The following RELN variants were observed in gnomAD, a reference collection of about 807,000 sequenced individuals.
RELN encodes the protein reelin.
In RELN, 108 loss-of-function variants were observed where a neutral mutation model predicts 427.6. The ratio of observed to expected loss-of-function variants is 0.25; its 90% confidence interval spans 0.22 to 0.30. RELN has a LOEUF of 0.30. Ranked by LOEUF, RELN falls within the 10% of genes least tolerant of loss-of-function variation. The probability of loss-of-function intolerance (pLI) is 1.00; values close to 1 mark genes in which losing one functional copy is unlikely to be tolerated. For synonymous variants in RELN, 1,524 were observed against 1,513.4 expected (o/e 1.01, Z -0.16); for missense variants, 3,715 against 4,302.8 (o/e 0.86, Z 3.82).
Position 103,572,202 on chromosome 7 carries a change from G to T in RELN, c.4570C>A (p.Pro1524Thr). 6.3e-7 allele frequency: 1 copy of T among 1,583,998 alleles called. No individual in the cohort carries two copies. The highest frequency in any genetic ancestry group is 8.7e-7 in the Non-Finnish European group (1 of 1,152,666). Residue 1524 changes from proline to threonine, a missense_variant, in exon 31 of 65, where the codon CCA becomes ACA. By Grantham distance (38) the Pro-to-Thr change is conservative. Coordinates refer to ENST00000428762, the MANE Select transcript of RELN (RefSeq NM_005045.4). The part of the protein sequence containing the change: ...SKTSGITCIK[P>T]RTRNEGLIVQ... The stretch of plus-strand genomic sequence containing the variant: ...AGCTTACCTTCATTTCTAGTTCTTG[G>T]TTTGATGCAGGTAATGCCTGAAGTT...
At chr7:103,876,174 T>C (rs940061586) in intron 2 of RELN, among the ~76,000 whole-genome samples, 2 of 152,180 alleles carry the variant, frequency 1.3e-5, no homozygotes, top group African/African-American at 4.8e-5. Context: ...GAATAACTTG[T>C]ACGGAAAGAT....
chr7:103,497,970 C>A, intron 54 of RELN, 44 bp from the exon 55 acceptor site: 1 of 1,604,262 alleles, frequency 6.2e-7, no homozygotes, highest in Non-Finnish European at 8.5e-7. Context: ...TTCATTAGAA[C>A]AAATACTCTA....
intron 29 of RELN, among the ~76,000 whole-genome samples, chr7:103,574,696 A>T (rs573121591): frequency 6.6e-6 from 1 of 152,250 alleles, no homozygotes; most frequent in Admixed American, 6.5e-5. Flanking sequence ...TGAAACTGTG[A>T]GTGACAGCAC....
Position 103,557,063 on chromosome 7 carries a change from G to T in RELN, c.5711C>A (p.Thr1904Lys), listed in dbSNP as rs114190729. The T allele has an allele frequency of 1.6e-5, 26 of 1,613,140 alleles. No individual in the cohort carries two copies. Among genetic ancestry groups the T allele is most frequent in the Non-Finnish European group, 2.2e-5 (26 of 1,179,200 alleles). Residue 1904 changes from threonine to lysine, a missense_variant, in exon 38 of 65, where the codon ACG becomes AAG. Physicochemically the swap from Thr to Lys is moderately conservative, Grantham distance 78. Coordinates refer to ENST00000428762, the MANE Select transcript of RELN (RefSeq NM_005045.4). ...LMDEFYFPQT[T>K]NILFINVPLP... is the part of the protein sequence containing the mutation. ...GGGAACATTGATGAAAAGTATATTC[G>T]TTGTTTGAGGAAAGTAAAATTCATC...
chr7:103,984,656 A>G (rs1251617329), intron 1 of RELN, among the ~76,000 whole-genome samples: 1 of 152,190 alleles, frequency 6.6e-6, no homozygotes, highest in African/African-American at 2.4e-5. Flanking sequence ...AATATGTAAC[A>G]AATAGAGCAA....
At chr7:103,502,893 G>GAGTT (rs1829082989) in intron 52 of RELN, 123 bp downstream of exon 52, 1 of 818,258 alleles carries the variant, frequency 1.2e-6, no homozygotes, top group Non-Finnish European at 2.1e-6. Flanking sequence ...AGAACCTTTA[G>GAGTT]AGTTAGGGAG....
chr7:103,477,694 T>C (rs1031001015), intron 64 of RELN, among the ~76,000 whole-genome samples: 1 of 152,236 alleles, frequency 6.6e-6, no homozygotes, highest in Non-Finnish European at 1.5e-5. Context: ...TATCCAATAA[T>C]GTGCACCTCA....
intron 11 of RELN, among the ~76,000 whole-genome samples, chr7:103,668,241 A>C (rs1833315494): frequency 6.6e-6 from 1 of 152,206 alleles, no homozygotes; most frequent in Non-Finnish European, 1.5e-5. Flanking sequence ...AGTAAAACAA[A>C]AGGTATGACA....
At chr7:103,570,711 T>C (rs554540268) in intron 31 of RELN, among the ~76,000 whole-genome samples, 4 of 152,286 alleles carry the variant, frequency 2.6e-5, no homozygotes, top group Non-Finnish European at 5.9e-5. Context: ...GCTGGCAACA[T>C]CCAGAATCTA....
chr7:103,789,538 T>C (rs1792105486), intron 3 of RELN, among the ~76,000 whole-genome samples: 1 of 151,986 alleles, frequency 6.6e-6, no homozygotes. Flanking sequence ...GAACAGACAC[T>C]TCTCAAAAGA....
intron 2 of RELN, among the ~76,000 whole-genome samples, chr7:103,837,385 C>T (rs1793436579): frequency 6.6e-6 from 1 of 152,202 alleles, no homozygotes; most frequent in Non-Finnish European, 1.5e-5. Context: ...ATTTACCATC[C>T]TTTGTGAACC....
At chr7:103,879,951 C>T (rs1040621845) in intron 2 of RELN, among the ~76,000 whole-genome samples, 2 of 152,070 alleles carry the variant, frequency 1.3e-5, no homozygotes, top group African/African-American at 2.4e-5. Flanking sequence ...TTCTCACCTA[C>T]ATATCATTGC....
intron 5 of RELN, among the ~76,000 whole-genome samples, chr7:103,750,100 C>T (rs970693479): frequency 1.3e-5 from 2 of 152,178 alleles, no homozygotes; most frequent in African/African-American, 4.8e-5. Flanking sequence ...CTCTTTCAGC[C>T]TCCTGAGTAG....
intron 10 of RELN, among the ~76,000 whole-genome samples, chr7:103,692,060 C>G (rs1180793338): frequency 1.3e-5 from 2 of 152,090 alleles, no homozygotes; most frequent in Non-Finnish European, 2.9e-5. Context: ...TATGTTATAT[C>G]CAGTCCCTTT....
At chr7:103,811,459 C>A (rs1303130540) in intron 3 of RELN, among the ~76,000 whole-genome samples, 1 of 152,130 alleles carries the variant, frequency 6.6e-6, no homozygotes, top group African/African-American at 2.4e-5. Context: ...GTTCAGTTAT[C>A]CCTCATATCA....
At chr7:103,963,719 A>T (rs577431606) in intron 1 of RELN, among the ~76,000 whole-genome samples, 117 of 152,336 alleles carry the variant, frequency 7.7e-4, no homozygotes, top group African/African-American at 2.7e-3. Flanking sequence ...TTCATAACAA[A>T]CAGAAAGGAA....
intron 2 of RELN, among the ~76,000 whole-genome samples, chr7:103,899,759 A>G (rs1243999432): frequency 6.6e-6 from 1 of 152,178 alleles, no homozygotes; most frequent in Non-Finnish European, 1.5e-5. Context: ...CCTTCATGCT[A>G]AAAACTCTCA....
At chr7:103,532,152 G>T (rs747993391) in intron 46 of RELN, among the ~76,000 whole-genome samples, 32 of 152,190 alleles carry the variant, frequency 2.1e-4, no homozygotes, top group Non-Finnish European at 3.5e-4. Context: ...GGATGTGGAT[G>T]GAGCTGGAAG....
At chr7:103,538,478 A>C (rs547116450) in intron 45 of RELN, among the ~76,000 whole-genome samples, 1 of 152,234 alleles carries the variant, frequency 6.6e-6, no homozygotes, top group East Asian at 1.9e-4. Flanking sequence ...GTACACATGC[A>C]CATACTCATT....
Sources: allele counts gnomAD v4.1 joint callset (sites outside exome capture counted in the v4.1 genomes callset), GRCh38; gene constraint gnomAD v4.1.1; transcripts MANE v1.5; gene names NCBI Gene and HGNC (gene_info 2026-07-23, HGNC 2026-07-21).